The following FAHD2A variants were observed in gnomAD, a reference collection of about 807,000 sequenced individuals.
FAHD2A encodes fumarylacetoacetate hydrolase domain containing 2A, also known as oxaloacetate tautomerase FAHD2A, mitochondrial.
FAHD2A carries 27 observed loss-of-function variants against 33.4 expected under a neutral mutation model. The ratio of observed to expected loss-of-function variants is 0.81; its 90% CI spans 0.60 to 1.11. FAHD2A has a LOEUF of 1.11. Among genes scored for constraint, FAHD2A ranks in the 50% most tolerant of loss-of-function variants. FAHD2A has a pLI of 0.00. For missense variants in FAHD2A, 296 were observed against 395.0 expected (o/e 0.75, Z 2.12); for synonymous variants, 130 against 153.3 (o/e 0.85, Z 1.12).
chr2:95,412,461 G>T lies in FAHD2A; in HGVS notation c.713G>T (p.Arg238Leu), dbSNP rs771445507. 3.1e-6 allele frequency: 5 copies of T among 1,613,794 alleles called. No homozygotes were observed. In the Admixed American group the frequency reaches 6.7e-5, roughly 22 times the overall value. The change falls in exon 6 of 8, where the codon CGA becomes CTA. Residue 238 changes from arginine to leucine, a missense_variant. Physicochemically the swap from Arg to Leu is moderately radical, Grantham distance 102. Coordinates refer to ENST00000233379, the MANE Select transcript of FAHD2A (RefSeq NM_016044.3). ...CCACACAACTTAAAGATCTGCTGCC[G>T]AGTGAATGGGGAAGTGGTCCAGAGC... ...ADPHNLKICC[R>L]VNGEVVQSGN...
chr2:95,418,986 A>T (rs554209282), downstream of FAHD2A, among the ~76,000 whole-genome samples: 31 of 152,226 alleles, frequency 2.0e-4, 1 homozygote, highest in Non-Finnish European at 2.9e-4. Flanking sequence ...ACACAGACAT[A>T]CAGAGAGAAG....
intron 3 of FAHD2A, among the ~76,000 whole-genome samples, chr2:95,408,770 G>A (rs911279558): frequency 5.3e-5 from 8 of 152,096 alleles, no homozygotes; most frequent in African/African-American, 1.9e-4. Context: ...CCATATCAAG[G>A]GCCAATTAGT....
chr2:95,418,020 G>A (rs1297377313), downstream of FAHD2A, among the ~76,000 whole-genome samples: 3 of 152,018 alleles, frequency 2.0e-5, no homozygotes, highest in Admixed American at 6.5e-5. Context: ...CGATAGAATC[G>A]AGTGTAGATC....
intron 3 of FAHD2A, among the ~76,000 whole-genome samples, chr2:95,409,338 CAG>C (rs1242402970): frequency 6.6e-6 from 1 of 150,942 alleles, no homozygotes; most frequent in East Asian, 1.9e-4. Flanking sequence ...TTTTTTGAGA[CAG>C]AGTCTCACTC....
intron 1 of FAHD2A, among the ~76,000 whole-genome samples, chr2:95,404,976 G>A (rs926149624): frequency 1.4e-4 from 22 of 152,242 alleles, no homozygotes; most frequent in African/African-American, 5.3e-4. Context: ...ACCATTTTAA[G>A]TAGGAGGTTA....
At position 95,413,048 on chromosome 2, in the gene FAHD2A, G is replaced by A; in HGVS notation, c.*91G>A. 6.7e-7 allele frequency: 1 copy of A among 1,482,348 alleles called. No homozygotes were observed. The highest frequency in any genetic ancestry group is 9.2e-7 in the Non-Finnish European group (1 of 1,087,484). 91.8% of individuals were successfully genotyped at this position (1,482,348 alleles called of 1,614,324 possible). Reference sequence around the variant, plus strand: ...AAGGCCCAGTGACAGGTGTGGACAGGTGCCAGCCCTGCAAGCCGCCTCTTC... The same window carrying A: ...AAGGCCCAGTGACAGGTGTGGACAGATGCCAGCCCTGCAAGCCGCCTCTTC... On this transcript the variant is annotated 3_prime_UTR_variant, in exon 8 of 8. Coordinates refer to ENST00000233379, the MANE Select transcript of FAHD2A (RefSeq NM_016044.3).
At chr2:95,417,324 C>G (rs551392108), downstream of FAHD2A, among the ~76,000 whole-genome samples, 84 of 152,292 alleles carry the variant, frequency 5.5e-4, no homozygotes, top group African/African-American at 1.9e-3. Flanking sequence ...TTGCAGGAAG[C>G]TGCAGCAGCT....
chr2:95,408,557 A>C (rs941303563), intron 3 of FAHD2A, among the ~76,000 whole-genome samples: 1 of 152,224 alleles, frequency 6.6e-6, no homozygotes. Flanking sequence ...TCTTAGGTGG[A>C]TAGCAGCAGG....
intron 1 of FAHD2A, 44 bp downstream of exon 1, chr2:95,402,916 G>A (rs2104333152): frequency 6.6e-6 from 1 of 152,496 alleles, no homozygotes; most frequent in East Asian, 1.9e-4. Context: ...GGTGTCCGTG[G>A]CGCCGGTCTC....
downstream of FAHD2A, among the ~76,000 whole-genome samples, chr2:95,418,328 G>C (rs969157543): frequency 2.6e-5 from 4 of 151,866 alleles, no homozygotes; most frequent in Admixed American, 2.6e-4. Context: ...TTTTGAGGCT[G>C]TTTGGTGGCA....
At position 95,413,144 on chromosome 2, in the gene FAHD2A, C is replaced by T; in HGVS notation, c.*187C>T. 1 of 1,096,338 alleles carries T rather than the reference C, an allele frequency of 9.1e-7. No homozygotes were observed. Among genetic ancestry groups the T allele is most frequent in the Non-Finnish European group, 1.3e-6 (1 of 775,716 alleles). The allele number at this position is 1,096,338 out of a possible 1,614,324, so 67.9% of individuals were successfully genotyped here. On this transcript the variant is annotated 3_prime_UTR_variant, in exon 8 of 8. Transcript: ENST00000233379. ...GGTCAAAGCAGCAGCTTTGCTTCTG[C>T]TGTTTGTCTTCTTTTGGGCTTTGTT...
chr2:95,420,200 C>T (rs192875618), downstream of FAHD2A, among the ~76,000 whole-genome samples: 279 of 152,172 alleles, frequency 1.8e-3, 3 homozygotes, highest in Non-Finnish European at 2.9e-3. Context: ...AACACACCCA[C>T]AGAAACACCT....
intron 4 of FAHD2A, 76 bp from the exon 5 acceptor site, chr2:95,410,788 T>G (rs1682355055): frequency 6.3e-7 from 1 of 1,590,404 alleles, no homozygotes; most frequent in Non-Finnish European, 8.6e-7. Flanking sequence ...GATAACAGCT[T>G]AGAGATCCCT....
Position 95,414,922 on chromosome 2 carries a change from A to C in FAHD2A, c.*1965A>C, listed in dbSNP as rs1233747602. 1.3e-5 allele frequency: 2 copies of C among 152,454 alleles called. No individual in the cohort carries two copies. The highest frequency in any genetic ancestry group is 1.5e-5 in the Non-Finnish European group (1 of 68,366). The allele number at this position is 152,454 out of a possible 1,614,324, so 9.4% of individuals were successfully genotyped here. A position where few individuals can be genotyped will look rare whatever the true frequency, so the allele number is the denominator to read the frequency against. ...AGGCTTTCTTAAAAAAAAACAAAAA[A>C]CAAAACCAATAACTCAGTAAGCAGA... On this transcript the variant is annotated 3_prime_UTR_variant, in exon 8 of 8. Coordinates refer to ENST00000233379, the MANE Select transcript of FAHD2A (RefSeq NM_016044.3).
rs754756925 is a variant in FAHD2A, at chr2:95,410,581, A to G, written c.517A>G (p.Ile173Val). The G allele has an allele frequency of 8.1e-6, 13 of 1,613,440 alleles. No homozygotes were observed. Among genetic ancestry groups the G allele is most frequent in the Non-Finnish European group, 8.5e-6 (10 of 1,179,732 alleles). ...GGTCATTGGAAAGAAAGGCAAGCAC[A>G]TCAAGGTGAGGTGGAAAGGGTGGGC... ...AVVIGKKGKHIKATDAMAHVA... is the reference protein window; with the variant it reads ...AVVIGKKGKHVKATDAMAHVA... Residue 173 changes from isoleucine (I) to valine (V), a missense_variant, in exon 4 of 8, where the codon ATC (isoleucine) becomes GTC (valine). By Grantham distance (29) the Ile-to-Val change is conservative. Transcript: ENST00000233379.
rs1477414153 is a variant in FAHD2A, at chr2:95,404,369, C to T, written c.-6-1184C>T. 2.0e-5 allele frequency among the ~76,000 whole-genome samples: 3 copies of T among 152,010 alleles called. No homozygotes were observed. In the East Asian group the frequency reaches 5.8e-4, roughly 29 times the overall value. On this transcript the variant is annotated intron_variant, in intron 1 of 7. Coordinates refer to ENST00000233379, the MANE Select transcript of FAHD2A (RefSeq NM_016044.3). ...AGTGCAGTGGCGCGATCTCAGCTCA[C>T]TGCAACCTCCTTCCCCTGGGTTCAA...
chr2:95,406,693 A>T (rs1426371068), intron 2 of FAHD2A, among the ~76,000 whole-genome samples: 2 of 152,190 alleles, frequency 1.3e-5, no homozygotes, highest in Non-Finnish European at 2.9e-5. Context: ...CATGTATTCC[A>T]GTTTGTATCT....
chr2:95,419,728 A>T (rs1299708701), downstream of FAHD2A, among the ~76,000 whole-genome samples: 1 of 152,044 alleles, frequency 6.6e-6, no homozygotes, highest in African/African-American at 2.4e-5. Context: ...AACAGAATTA[A>T]TACAACGTAG....
chr2:95,419,752 T>G (rs1174763658), downstream of FAHD2A, among the ~76,000 whole-genome samples: 1 of 151,952 alleles, frequency 6.6e-6, no homozygotes, highest in Non-Finnish European at 1.5e-5. Context: ...TAGAGATATA[T>G]ACATAGATAT....
Sources: allele counts gnomAD v4.1 joint callset (sites outside exome capture counted in the v4.1 genomes callset), GRCh38; gene constraint gnomAD v4.1.1; transcripts MANE v1.5; gene names NCBI Gene and HGNC (gene_info 2026-07-23, HGNC 2026-07-21).